The following PKP2 variants were observed in gnomAD, a reference collection of about 807,000 sequenced individuals.
PKP2 encodes the protein plakophilin-2.
In PKP2, 73 loss-of-function variants were observed where a neutral mutation model predicts 83.4. That is an observed-to-expected ratio of 0.88 (90% CI 0.72 to 1.06). The LOEUF (loss-of-function observed/expected upper bound fraction) is 1.06. Among genes scored for constraint, PKP2 ranks in the 50% least tolerant of loss-of-function variants. PKP2 has a pLI of 0.00. For missense variants in PKP2, 966 were observed against 1,065.4 expected, an observed-to-expected ratio of 0.91 and a Z score of 1.30; for synonymous variants, 409 against 430.4, an observed-to-expected ratio of 0.95 and a Z score of 0.62.
At chr12:32,862,705 T>A (rs1956811436) in intron 4 of PKP2, among the ~76,000 whole-genome samples, 2 of 152,080 alleles carry the variant, frequency 1.3e-5, no homozygotes, top group African/African-American at 4.8e-5. Context: ...GGCTCACACC[T>A]CTAATCCCTG....
intron 6 of PKP2, among the ~76,000 whole-genome samples, chr12:32,836,064 A>G (rs1226200387): frequency 6.6e-6 from 1 of 152,220 alleles, no homozygotes; most frequent in Admixed American, 6.5e-5. Context: ...GCTGGCTCCA[A>G]CACACTGGAG....
intron 6 of PKP2, among the ~76,000 whole-genome samples, chr12:32,839,356 T>C (rs796605318): frequency 1.9e-4 from 28 of 150,344 alleles, no homozygotes; most frequent in African/African-American, 6.8e-4. Context: ...GGCACAATCA[T>C]TTTAAGAAAG....
At position 32,844,960 on chromosome 12, in the gene PKP2, C is replaced by T. The variant is rs141602612; in HGVS notation, c.1379-3755G>A. On this transcript the variant is annotated intron_variant, in intron 5 of 12. Transcript: ENST00000340811. Reference sequence around the variant, plus strand: ...TCTGGATTACCTAATATAATATTTACGGTTTGGGTTTTCATGTGTCTCATC... The same window carrying T: ...TCTGGATTACCTAATATAATATTTATGGTTTGGGTTTTCATGTGTCTCATC... Among the ~76,000 whole-genome samples, 937 of 152,276 alleles carry T rather than the reference C, an allele frequency of 6.2e-3. 12 individuals are homozygous for T. The highest frequency in any genetic ancestry group is 0.021 in the African/African-American group (882 of 41,562).
chr12:32,823,747 C>T (rs1390832284), intron 7 of PKP2, among the ~76,000 whole-genome samples: 1 of 151,796 alleles, frequency 6.6e-6, no homozygotes, highest in Admixed American at 6.6e-5. Flanking sequence ...ACTACAGGTG[C>T]CCGCCACCAC....
intron 9 of PKP2, among the ~76,000 whole-genome samples, chr12:32,819,313 C>CAATACAATAAAATAAAATAAAATAA (rs1411681921): frequency 6.8e-6 from 1 of 146,362 alleles, no homozygotes; most frequent in Admixed American, 6.8e-5. Flanking sequence ...CAATACAATA[C>CAATACAATAAAATAAAATAAAATAA]AATAAAATAA....
intron 6 of PKP2, among the ~76,000 whole-genome samples, chr12:32,832,663 TCA>T: frequency 6.6e-6 from 1 of 152,336 alleles, no homozygotes; most frequent in East Asian, 1.9e-4. Flanking sequence ...CTAGATACTT[TCA>T]TCAAGTTTCC....
At chr12:32,850,998 T>C (rs768054652) in intron 4 of PKP2, 25 bp from the exon 5 acceptor site, 7 of 1,590,238 alleles carry the variant, frequency 4.4e-6, no homozygotes, top group Middle Eastern at 1.7e-4. Flanking sequence ...GATGCATATT[T>C]CTAATATTAA....
chr12:32,870,518 A>T (rs1956886646), intron 3 of PKP2, among the ~76,000 whole-genome samples: 1 of 101,806 alleles, frequency 9.8e-6, no homozygotes, highest in Non-Finnish European at 2.5e-5. Context: ...TATAATTAGT[A>T]AAAAAAAAAT....
chr12:32,873,772 C>T (rs992456571), intron 3 of PKP2, among the ~76,000 whole-genome samples: 6 of 151,552 alleles, frequency 4.0e-5, no homozygotes, highest in Admixed American at 2.0e-4. Flanking sequence ...TCAAGTGATC[C>T]GCCCACCTCG....
intron 4 of PKP2, among the ~76,000 whole-genome samples, chr12:32,864,176 AC>A (rs1295442838): frequency 3.2e-4 from 49 of 152,018 alleles, no homozygotes; most frequent in Admixed American, 2.9e-3. Flanking sequence ...TAAAAAACCT[AC>A]AGGTAGCATA....
In PKP2 at chr12:32,824,742, G is replaced by A. The variant is rs7965105; in HGVS notation, c.1557-580C>T. Among the ~76,000 whole-genome samples the A allele has an allele frequency of 5.2e-4, 79 of 152,300 alleles. 1 individual carries two copies. Among genetic ancestry groups the A allele is most frequent in the African/African-American group, 1.9e-3 (77 of 41,580 alleles). On this transcript the variant is annotated intron_variant, in intron 6 of 12. Coordinates refer to ENST00000340811, the MANE Select transcript of PKP2 (RefSeq NM_001005242.3). ...GATGTTACAGAAAACATGAGAGTTTGCAGTGTGTAAGGCTTCAGTCAAAAG... is the reference window on the plus strand; with the variant it reads ...GATGTTACAGAAAACATGAGAGTTTACAGTGTGTAAGGCTTCAGTCAAAAG...
At chr12:32,800,256 G>T (rs1164259972) in intron 10 of PKP2, among the ~76,000 whole-genome samples, 3 of 152,186 alleles carry the variant, frequency 2.0e-5, no homozygotes, top group African/African-American at 7.2e-5. Context: ...GTAATGAATT[G>T]TGTGACTGTC....
intron 6 of PKP2, among the ~76,000 whole-genome samples, chr12:32,829,679 G>T (rs1956480344): frequency 6.6e-6 from 1 of 150,718 alleles, no homozygotes; most frequent in African/African-American, 2.4e-5. Flanking sequence ...TATTTTTTTT[G>T]AGATGGAGTC....
rs199860323 is a variant in PKP2, at chr12:32,878,536, G to A, written c.344C>T (p.Thr115Ile). The stretch of plus-strand genomic sequence containing the variant: ...CCAGCGACCTTCATAAGTGGCAGTT[G>A]TGCCAGCCTGCACATGAGAGAAATA... ...PKTYDMLKAG[T>I]TATYEGRWGR... The change falls in exon 3 of 13, where the codon ACA (threonine) becomes ATA (isoleucine). Residue 115 changes from threonine (T) to isoleucine (I), a missense_variant. Physicochemically the swap from Thr to Ile is moderately conservative, Grantham distance 89. Coordinates refer to ENST00000340811, the MANE Select transcript of PKP2 (RefSeq NM_001005242.3). 2 of 1,611,706 alleles carry A rather than the reference G, an allele frequency of 1.2e-6. No individual in the cohort carries two copies. Among genetic ancestry groups the A allele is most frequent in the East Asian group, 2.2e-5 (1 of 44,842 alleles).
In PKP2 at chr12:32,878,920, C is replaced by A; in HGVS notation, c.336G>T (p.Lys112Asn). The A allele has an allele frequency of 6.7e-7, 1 of 1,492,290 alleles. No individual in the cohort carries two copies. The highest frequency in any genetic ancestry group is 9.3e-7 in the Non-Finnish European group (1 of 1,070,658). 92.4% of individuals were successfully genotyped at this position (1,492,290 alleles called of 1,614,324 possible). The change falls in exon 2 of 13, where the codon AAG becomes AAT. Residue 112 changes from lysine to asparagine, a missense_variant and splice_region_variant. Physicochemically the swap from Lys to Asn is moderately conservative, Grantham distance 94 (BLOSUM62 0). Coordinates refer to ENST00000340811, the MANE Select transcript of PKP2 (RefSeq NM_001005242.3). ...SPVPKTYDMLKAGTTATYEGR... is the reference protein window; with the variant it reads ...SPVPKTYDMLNAGTTATYEGR... ...AGGGTTACATTCTTTGATATCCTAC[C>A]TTTAGCATGTCATAGGTTTTAGGAA...
chr12:32,813,190 A>T (rs1045962978), intron 9 of PKP2, among the ~76,000 whole-genome samples: 2 of 152,182 alleles, frequency 1.3e-5, no homozygotes, highest in Non-Finnish European at 2.9e-5. Context: ...CCAAAGCAAA[A>T]AACTAAGCAA....
At chr12:32,842,548 A>G (rs1956604666) in intron 5 of PKP2, among the ~76,000 whole-genome samples, 1 of 150,864 alleles carries the variant, frequency 6.6e-6, no homozygotes, top group Non-Finnish European at 1.5e-5. Context: ...CCGCCTCATT[A>G]TCTTTCATAC....
At chr12:32,805,521 T>TA (rs1449936888) in intron 9 of PKP2, among the ~76,000 whole-genome samples, 8 of 152,242 alleles carry the variant, frequency 5.3e-5, no homozygotes, top group Admixed American at 5.2e-4. Context: ...TTTCTGCATA[T>TA]GACTAGCCAG....
At chr12:32,888,501 T>G (rs1441248423) in intron 1 of PKP2, among the ~76,000 whole-genome samples, 1 of 152,052 alleles carries the variant, frequency 6.6e-6, no homozygotes, top group African/African-American at 2.4e-5. Context: ...TTCTTTTTTT[T>G]TTTTTGAGAC....
Sources: allele counts gnomAD v4.1 joint callset (sites outside exome capture counted in the v4.1 genomes callset), GRCh38; gene constraint gnomAD v4.1.1; transcripts MANE v1.5; gene names NCBI Gene and HGNC (gene_info 2026-07-23, HGNC 2026-07-21).